CERK: variants seen among roughly 807,000 people sequenced by gnomAD.
The protein encoded by CERK is acylsphingosine kinase.
CERK carries 39 observed loss-of-function variants against 63.4 expected under a neutral mutation model. The observed-to-expected ratio is 0.61, with a 90% CI of 0.48 to 0.80. The LOEUF is 0.80. CERK is among the 30% of genes least tolerant of loss of function. The pLI, the probability that CERK is intolerant of heterozygous loss-of-function variation, is 0.00. For missense variants in CERK, 670 were observed against 714.1 expected (o/e 0.94, Z 0.70); for synonymous variants, 302 against 280.0 (o/e 1.08, Z -0.78).
chr22:46,686,919 A>AC lies in CERK; in HGVS notation c.*214_*215insG. Reference sequence around the variant, plus strand: ...GTGAGCAGCTGCATCCGCTGAGAGTAAGCGGCGTGGGCTGCAACCCGCAGA... The same window carrying AC: ...GTGAGCAGCTGCATCCGCTGAGAGTACAGCGGCGTGGGCTGCAACCCGCAGA... On this transcript the variant is annotated 3_prime_UTR_variant, in exon 13 of 13. Transcript: ENST00000216264. The AC allele has an allele frequency of 1.9e-6, 1 of 527,914 alleles. No individual in the cohort carries two copies. The highest frequency in any genetic ancestry group is 3.4e-6 in the Non-Finnish European group (1 of 293,288). 32.7% of individuals were successfully genotyped at this position (527,914 alleles called of 1,614,324 possible).
intron 7 of CERK, 37 bp from the exon 8 acceptor site, chr22:46,699,502 C>T: frequency 2.5e-6 from 4 of 1,609,550 alleles, no homozygotes; most frequent in Non-Finnish European, 2.5e-6. Flanking sequence ...AGGCAGCCCC[C>T]CTCCAGCCCC....
At chr22:46,720,764 T>C (rs779281596) in intron 2 of CERK, 138 bp downstream of exon 2, 10 of 569,444 alleles carry the variant, frequency 1.8e-5, no homozygotes, top group South Asian at 1.3e-4. Context: ...AAGGTAGCAT[T>C]TGGGGAAAAA....
chr22:46,695,504 GGAC>G (rs1164541659), intron 8 of CERK, among the ~76,000 whole-genome samples, 189 bp from the exon 9 acceptor site: 1 of 152,270 alleles, frequency 6.6e-6, no homozygotes, highest in Non-Finnish European at 1.5e-5. Flanking sequence ...CCCTCCCTCA[GGAC>G]AACAGCACGT....
chr22:46,699,294 C>A lies in CERK; in HGVS notation c.943+19G>T. 1 of 1,613,528 alleles carries A rather than the reference C, an allele frequency of 6.2e-7. No homozygotes were observed. Among genetic ancestry groups the A allele is most frequent in the South Asian group, 1.1e-5 (1 of 91,010 alleles). On this transcript the variant is annotated intron_variant, in intron 8 of 12. Coordinates refer to ENST00000216264, the MANE Select transcript of CERK (RefSeq NM_022766.6). The stretch of plus-strand genomic sequence containing the variant: ...GGGGCACGACCAGCGGGGAGCGAGT[C>A]TGCATTATTCTGAGTTACCTGAAAA...
At position 46,687,063 on chromosome 22, in the gene CERK, A is replaced by C. The variant is rs2082705205; in HGVS notation, c.*71T>G. 1.6e-6 allele frequency: 2 copies of C among 1,237,404 alleles called. 1 individual carries two copies. The highest frequency in any genetic ancestry group is 2.5e-5 in the South Asian group (2 of 81,246). The allele number at this position is 1,237,404 out of a possible 1,614,324, so 76.7% of individuals were successfully genotyped here. A position where few individuals can be genotyped will look rare whatever the true frequency, so the allele number is the denominator to read the frequency against. On this transcript the variant is annotated 3_prime_UTR_variant, in exon 13 of 13. Coordinates refer to ENST00000216264, the MANE Select transcript of CERK (RefSeq NM_022766.6). ...TCTACATTTAAATGTATATATCAAC[A>C]TAATTGGTCTGTAATAATTATCTTA...
At chr22:46,688,030 C>G (rs1569317155) in intron 12 of CERK, among the ~76,000 whole-genome samples, 1 of 152,078 alleles carries the variant, frequency 6.6e-6, no homozygotes, top group Non-Finnish European at 1.5e-5. Flanking sequence ...AACCCCGTCT[C>G]TACTAAAAAT....
At chr22:46,700,377 G>T (rs135684) in intron 7 of CERK, among the ~76,000 whole-genome samples, 24,498 of 152,142 alleles carry the variant, frequency 0.16, 2,467 homozygotes, top group East Asian at 0.34. Context: ...TGGGCAACAA[G>T]AGCGAAACTC....
chr22:46,721,541 C>T (rs950596148), intron 1 of CERK, among the ~76,000 whole-genome samples: 3 of 152,178 alleles, frequency 2.0e-5, no homozygotes, highest in African/African-American at 7.2e-5. Context: ...TCAGCCGAGT[C>T]ACCAAATGGA....
chr22:46,710,475 G>A (rs918314802), intron 5 of CERK, among the ~76,000 whole-genome samples: 13 of 151,350 alleles, frequency 8.6e-5, no homozygotes, highest in African/African-American at 2.9e-4. Flanking sequence ...AATCTCTTTC[G>A]AAAGCAATAT....
At chr22:46,690,251 G>T (rs757019225) in intron 11 of CERK, 51 bp from the exon 12 acceptor site, 2 of 1,533,736 alleles carry the variant, frequency 1.3e-6, no homozygotes, top group Non-Finnish European at 9.0e-7. Context: ...TCATCGTCTG[G>T]GTGGGGCAGC....
At chr22:46,691,232 G>A (rs1012502449) in intron 11 of CERK, among the ~76,000 whole-genome samples, 8 of 151,972 alleles carry the variant, frequency 5.3e-5, no homozygotes, top group Non-Finnish European at 7.4e-5. Flanking sequence ...ACGCCACCAC[G>A]CCTGGCTTTT....
intron 8 of CERK, among the ~76,000 whole-genome samples, chr22:46,695,649 G>C (rs916701590): frequency 6.6e-6 from 1 of 152,240 alleles, no homozygotes; most frequent in Non-Finnish European, 1.5e-5. Flanking sequence ...GTGGCCTGTG[G>C]GCTCCAGTGG....
At chr22:46,702,791 G>A (rs950479147) in intron 6 of CERK, among the ~76,000 whole-genome samples, 4 of 152,222 alleles carry the variant, frequency 2.6e-5, no homozygotes, top group African/African-American at 4.8e-5. Flanking sequence ...CAGCTGCCCC[G>A]GCTGATCGCA....
intron 3 of CERK, 36 bp downstream of exon 3, chr22:46,720,050 C>A (rs200379345): frequency 1.2e-6 from 2 of 1,604,184 alleles, no homozygotes; most frequent in Non-Finnish European, 1.7e-6. Context: ...CATGCCACCA[C>A]GGCCATCCTG....
At chr22:46,711,175 G>A in intron 4 of CERK, 26 bp from the exon 5 acceptor site, 1 of 1,574,112 alleles carries the variant, frequency 6.4e-7, no homozygotes, top group Non-Finnish European at 8.7e-7. Context: ...ACATCACACA[G>A]TTTATATTCA....
intron 7 of CERK, 67 bp downstream of exon 7, chr22:46,701,569 G>A: frequency 7.3e-7 from 1 of 1,372,934 alleles, no homozygotes; most frequent in Admixed American, 2.0e-5. Context: ...GGGGACCAGA[G>A]TGGGACAGGC....
intron 3 of CERK, among the ~76,000 whole-genome samples, chr22:46,717,686 G>A (rs560896611): frequency 6.6e-5 from 10 of 152,348 alleles, no homozygotes; most frequent in Admixed American, 6.5e-5. Context: ...GCACGGTGGG[G>A]GACCCTGGGG....
At chr22:46,701,213 C>G (rs542358632) in intron 7 of CERK, among the ~76,000 whole-genome samples, 2 of 152,162 alleles carry the variant, frequency 1.3e-5, no homozygotes, top group African/African-American at 2.4e-5. Context: ...ACTGAAGCCT[C>G]GAGGCCTCAC....
rs769852731 is a variant in CERK at position 46,687,090 on chromosome 22, A to G, written c.*44T>C. The G allele has an allele frequency of 6.0e-6, 9 of 1,508,816 alleles. No individual in the cohort carries two copies. In the Admixed American group the frequency reaches 1.5e-4, roughly 25 times the overall value. 93.5% of individuals were successfully genotyped at this position (1,508,816 alleles called of 1,614,324 possible). On this transcript the variant is annotated 3_prime_UTR_variant, in exon 13 of 13. Coordinates refer to ENST00000216264, the MANE Select transcript of CERK (RefSeq NM_022766.6). ...AATTGGTCTGTAATAATTATCTTAA[A>G]TAGTTTTCACACTTTCCCAGTTTGT...
Sources: allele counts gnomAD v4.1 joint callset (sites outside exome capture counted in the v4.1 genomes callset), GRCh38; gene constraint gnomAD v4.1.1; transcripts MANE v1.5; gene names NCBI Gene and HGNC (gene_info 2026-07-23, HGNC 2026-07-21).